The following C20orf203 variants were observed in gnomAD, a reference collection of about 807,000 sequenced individuals.
The protein encoded by C20orf203 is chromosome 20 open reading frame 203.
Under a neutral mutation model 15.9 loss-of-function variants are expected in C20orf203, and 16 were observed. The observed-to-expected ratio is 1.01, with a 90% CI of 0.68 to 1.53. C20orf203 has a LOEUF of 1.53. Ranked by LOEUF, C20orf203 falls within the 40% of genes most tolerant of loss-of-function variation. The pLI, the probability that C20orf203 is intolerant of heterozygous loss-of-function variation, is 0.00. For synonymous variants in C20orf203, 98 were observed against 97.2 expected, an observed-to-expected ratio of 1.01 and a Z score of -0.05; for missense variants, 263 against 247.5, an observed-to-expected ratio of 1.06 and a Z score of -0.42.
At chr20:32,663,059 G>A (rs545877675) in intron 1 of C20orf203, among the ~76,000 whole-genome samples, 2 of 150,030 alleles carry the variant, frequency 1.3e-5, no homozygotes, top group African/African-American at 4.9e-5. Flanking sequence ...AGTGATTCTC[G>A]TGCCTCAGCC....
intron 1 of C20orf203, among the ~76,000 whole-genome samples, chr20:32,658,805 C>T (rs2067638538): frequency 1.3e-5 from 2 of 151,834 alleles, no homozygotes; most frequent in South Asian, 2.1e-4. Context: ...GCTCAGCGTC[C>T]TCCGGCCTTG....
intron 4 of C20orf203, among the ~76,000 whole-genome samples, chr20:32,648,912 C>T (rs1211621916): frequency 2.6e-5 from 4 of 152,158 alleles, no homozygotes; most frequent in Non-Finnish European, 4.4e-5. Flanking sequence ...GACATTGGTA[C>T]ATTACACTGA....
chr20:32,673,337 C>A (rs1983220316), intron 1 of C20orf203, among the ~76,000 whole-genome samples: 1 of 152,156 alleles, frequency 6.6e-6, no homozygotes, highest in Non-Finnish European at 1.5e-5. Flanking sequence ...GTGTCTCAGC[C>A]CCCGTAGCCA....
intron 1 of C20orf203, among the ~76,000 whole-genome samples, chr20:32,668,636 A>G (rs889314228): frequency 6.6e-6 from 1 of 151,754 alleles, no homozygotes; most frequent in African/African-American, 2.4e-5. Context: ...AAAAAAAAAT[A>G]AATAAAAAAA....
chr20:32,646,252 G>A (rs987666122), intron 4 of C20orf203, among the ~76,000 whole-genome samples: 3 of 129,336 alleles, frequency 2.3e-5, no homozygotes, highest in Admixed American at 9.2e-5. Context: ...TCGATTTTTT[G>A]AGACAGAGTC....
chr20:32,650,453 T>C lies in C20orf203; in HGVS notation c.564A>G (p.Ser188=). ...LISKQQFLSN[S]SRSLFN ...TCGGCTAATTAAACAGCGACCGTGA[T>C]GAATTGGAGAGAAACTGCTGCTTGC... The change falls in exon 4 of 6, where the codon TCA becomes TCG. Residue 188 remains serine, a synonymous_variant. Coordinates refer to ENST00000608990, the MANE Select transcript of C20orf203 (RefSeq NM_182584.4). 1 of 1,550,242 alleles carries C rather than the reference T, an allele frequency of 6.5e-7. No homozygotes were observed.
chr20:32,643,324 G>A (rs1349862449), intron 4 of C20orf203, among the ~76,000 whole-genome samples: 3 of 152,136 alleles, frequency 2.0e-5, no homozygotes, highest in Non-Finnish European at 4.4e-5. Context: ...TTACTTTATA[G>A]GGTGGCTGTG....
chr20:32,673,323 G>A (rs144100863), intron 1 of C20orf203, among the ~76,000 whole-genome samples: 276 of 152,274 alleles, frequency 1.8e-3, no homozygotes, highest in African/African-American at 6.1e-3. Flanking sequence ...AAGACTGGCC[G>A]GAGGTGTCTC....
chr20:32,642,591 G>T (rs1982315307), intron 4 of C20orf203, among the ~76,000 whole-genome samples: 1 of 152,110 alleles, frequency 6.6e-6, no homozygotes, highest in Admixed American at 6.6e-5. Context: ...ACTGACTATT[G>T]GCCTGTCTGA....
intron 1 of C20orf203, among the ~76,000 whole-genome samples, chr20:32,658,947 C>G (rs1422161714): frequency 6.6e-6 from 1 of 151,996 alleles, no homozygotes; most frequent in Non-Finnish European, 1.5e-5. Flanking sequence ...GTGATCTCGG[C>G]TCACCACAAC....
At chr20:32,663,006 C>T (rs1463636901) in intron 1 of C20orf203, among the ~76,000 whole-genome samples, 14 of 147,360 alleles carry the variant, frequency 9.5e-5, no homozygotes, top group Non-Finnish European at 1.5e-4. Context: ...TGGAGTACAG[C>T]GGCTCAATCT....
chr20:32,647,786 C>CG (rs1982478423), intron 4 of C20orf203, among the ~76,000 whole-genome samples: 1 of 152,150 alleles, frequency 6.6e-6, no homozygotes, highest in Non-Finnish European at 1.5e-5. Flanking sequence ...GAAACTACCA[C>CG]GGGTCGGGGA....
chr20:32,633,806 T>C lies in C20orf203; in HGVS notation c.*1764A>G. 1 of 382,838 alleles carries C rather than the reference T, an allele frequency of 2.6e-6. No individual in the cohort carries two copies. Among genetic ancestry groups the C allele is most frequent in the Non-Finnish European group, 4.6e-6 (1 of 216,638 alleles). The allele number at this position is 382,838 out of a possible 1,614,324, so 23.7% of individuals were successfully genotyped here. On this transcript the variant is annotated 3_prime_UTR_variant, in exon 6 of 6. Transcript: ENST00000608990. ...AGCCCCCTCACCGCGTTGCACTACC[T>C]GGTCCCCTGGTCCCAGCCTCCTTTC...
chr20:32,646,662 GAA>G (rs1982442063), intron 4 of C20orf203, among the ~76,000 whole-genome samples: 1 of 152,192 alleles, frequency 6.6e-6, no homozygotes, highest in South Asian at 2.1e-4. Flanking sequence ...TCCGGGGAGG[GAA>G]ACAGTTGGGG....
At chr20:32,639,268 T>G (rs1189497982) in intron 5 of C20orf203, among the ~76,000 whole-genome samples, 1 of 152,224 alleles carries the variant, frequency 6.6e-6, no homozygotes, top group Non-Finnish European at 1.5e-5. Context: ...ACTTCTTCCT[T>G]TGGATGTTTC....
chr20:32,637,511 A>G (rs1982169435), intron 5 of C20orf203, among the ~76,000 whole-genome samples: 1 of 152,170 alleles, frequency 6.6e-6, no homozygotes, highest in African/African-American at 2.4e-5. Flanking sequence ...CACCTCCTCC[A>G]TGAGGCCTTC....
At chr20:32,637,125 C>T (rs1168852646) in intron 5 of C20orf203, among the ~76,000 whole-genome samples, 1 of 152,218 alleles carries the variant, frequency 6.6e-6, no homozygotes, top group Admixed American at 6.5e-5. Context: ...TGAACCAGCA[C>T]AGGGCTGGGT....
Position 32,633,434 on chromosome 20 carries a change from A to T in C20orf203, c.*2136T>A, listed in dbSNP as rs933693912. On this transcript the variant is annotated 3_prime_UTR_variant, in exon 6 of 6. Coordinates refer to ENST00000608990, the MANE Select transcript of C20orf203 (RefSeq NM_182584.4). ...CTCATAACAGCCCCAGGAGGCAGAC[A>T]ACGAGGCACAGATAGAACTTGTGAC... 1 of 152,196 alleles carries T rather than the reference A, an allele frequency of 6.6e-6. No homozygotes were observed. The highest frequency in any genetic ancestry group is 1.5e-5 in the Non-Finnish European group (1 of 68,044). The allele number at this position is 152,196 out of a possible 1,614,324, so 9.4% of individuals were successfully genotyped here.
Position 32,650,603 on chromosome 20 carries a change from C to T in C20orf203, c.414G>A (p.Gly138=), listed in dbSNP as rs1445293242. 1.3e-6 allele frequency: 2 copies of T among 1,538,900 alleles called. No homozygotes were observed. Among genetic ancestry groups the T allele is most frequent in the Non-Finnish European group, 1.8e-6 (2 of 1,136,512 alleles). Residue 138 remains glycine (G), a synonymous_variant, in exon 4 of 6, where the codon GGG becomes GGA. Coordinates refer to ENST00000608990, the MANE Select transcript of C20orf203 (RefSeq NM_182584.4). Reference sequence around the variant, plus strand: ...CCCCCACCGTGCCCATTCTGGGCATCCCTCCCATTGCCCTCCCCCGCCCAG... The same window carrying T: ...CCCCCACCGTGCCCATTCTGGGCATTCCTCCCATTGCCCTCCCCCGCCCAG... The part of the protein sequence containing the change: ...APAGRGRAMG[G]MPRMGTVGDF...
Sources: gnomAD v4.1 joint callset for allele counts (sites outside exome capture counted in the v4.1 genomes callset) on GRCh38, gnomAD v4.1.1 for gene constraint, MANE v1.5 for transcripts, NCBI Gene and HGNC (gene_info 2026-07-23, HGNC 2026-07-21) for gene names.